The following ARSF variants were observed in gnomAD, a reference collection of about 807,000 sequenced individuals.
The protein encoded by ARSF is arylsulfatase F.
ARSF carries 33 observed loss-of-function variants against 35.4 expected under a neutral mutation model. The ratio of observed to expected loss-of-function variants is 0.93; its 90% CI spans 0.71 to 1.25. ARSF has a LOEUF of 1.25. ARSF is among the 50% of genes most tolerant of loss of function. The pLI is 0.00. For synonymous variants in ARSF, 222 were observed against 193.1 expected, an observed-to-expected ratio of 1.15 and a Z score of -1.24; for missense variants, 501 against 480.2, an observed-to-expected ratio of 1.04 and a Z score of -0.40.
intron 4 of ARSF, among the ~76,000 whole-genome samples, chrX:3,077,960 G>A (rs748823595): frequency 9.5e-6 from 1 of 105,657 alleles, no homozygotes; most frequent in South Asian, 4.6e-4. Flanking sequence ...CGTGCCACCA[G>A]GCCTGTCTAA....
chrX:3,066,802 A>G (rs1055539629), intron 1 of ARSF: 2 of 110,646 alleles, frequency 1.8e-5, no homozygotes, highest in Non-Finnish European at 3.8e-5. Flanking sequence ...AGCTGCCAAA[A>G]GAGGCAGAGC....
chrX:3,105,826 A>G (rs902737207), intron 9 of ARSF, among the ~76,000 whole-genome samples: 2 of 112,310 alleles, frequency 1.8e-5, no homozygotes, highest in African/African-American at 3.2e-5. Context: ...TCAAAAAACT[A>G]TGGAGAAGCC....
chrX:3,072,956 T>C (rs1330532953), intron 3 of ARSF, among the ~76,000 whole-genome samples: 1 of 101,974 alleles, frequency 9.8e-6, no homozygotes, highest in African/African-American at 3.5e-5. Context: ...TATATGAATA[T>C]GTTATTCATA....
At chrX:3,050,592 A>T (rs2089993148) in intron 1 of ARSF, among the ~76,000 whole-genome samples, 1 of 109,853 alleles carries the variant, frequency 9.1e-6, no homozygotes, top group Admixed American at 9.8e-5. Context: ...AAAGAAGGAA[A>T]GTACACTTGG....
At chrX:3,050,097 A>C (rs2147474976) in intron 1 of ARSF, among the ~76,000 whole-genome samples, 1 of 111,338 alleles carries the variant, frequency 9.0e-6, no homozygotes, top group South Asian at 3.8e-4. Flanking sequence ...ATAATTGTTA[A>C]GAAATAAAAG....
intron 7 of ARSF, 38 bp downstream of exon 7, chrX:3,089,670 T>C: frequency 8.3e-7 from 1 of 1,202,784 alleles, no homozygotes; most frequent in Non-Finnish European, 1.1e-6. Context: ...AACTAACGTG[T>C]TCTGATAGGA....
In ARSF at chrX:3,076,664, G is replaced by C. The variant is rs762741573; in HGVS notation, c.278G>C (p.Arg93Pro). Residue 93 changes from arginine (R) to proline (P), a missense_variant, in exon 4 of 11, where the codon CGA (arginine) becomes CCA (proline). By Grantham distance (103) the Arg-to-Pro change is moderately radical (BLOSUM62 -2). Transcript: ENST00000381127. Reference protein sequence around the residue: ...SAFLTGRYPIRSGMVSSGNRR... With the variant: ...SAFLTGRYPIPSGMVSSGNRR... ...TTCTTGACGGGAAGATACCCCATCCGATCAGGTGCGCAAACTGGCGGGCTC... is the reference window on the plus strand; with the variant it reads ...TTCTTGACGGGAAGATACCCCATCCCATCAGGTGCGCAAACTGGCGGGCTC... The C allele has an allele frequency of 5.0e-6, 6 of 1,210,513 alleles. No homozygotes were observed. The highest frequency in any genetic ancestry group is 5.6e-6 in the Non-Finnish European group (5 of 894,997).
rs1569137790 is a variant in ARSF at position 3,076,556 on chromosome X, A to ACATCGAC, written c.172_178dup (p.Arg60HisfsTer42). The ACATCGAC allele has an allele frequency of 1.7e-6, 2 of 1,203,243 alleles. No individual in the cohort carries two copies. The highest frequency in any genetic ancestry group is 3.6e-5 in the South Asian group (2 of 55,780). The stretch of plus-strand genomic sequence containing the variant: ...TCCCTCTCCCCCTTCAGGACGCCTC[A>ACATCGAC]CATCGACCGCCTTGCCAGGGAAGGC... On this transcript the variant is annotated frameshift_variant, in exon 4 of 11. Coordinates refer to ENST00000381127, the MANE Select transcript of ARSF (RefSeq NM_001201539.2). LOFTEE classifies it high-confidence loss of function.
At chrX:3,070,998 A>G (rs199820186) in intron 2 of ARSF, among the ~76,000 whole-genome samples, 1 of 20,005 alleles carries the variant, frequency 5.0e-5, no homozygotes, top group African/African-American at 1.7e-4. Flanking sequence ...TGATATGGAT[A>G]GATAGATACC....
chrX:3,107,133 A>C (rs1377999), intron 9 of ARSF, among the ~76,000 whole-genome samples: 1 of 111,300 alleles, frequency 9.0e-6, no homozygotes, highest in Non-Finnish European at 1.9e-5. Context: ...ATTCAGTACA[A>C]ACAAGACCGT....
chrX:3,054,838 A>G (rs2090011253), intron 1 of ARSF, among the ~76,000 whole-genome samples: 1 of 107,006 alleles, frequency 9.3e-6, no homozygotes, highest in Admixed American at 1.0e-4. Context: ...GGTTCAAGCG[A>G]TTCTCCTGCC....
intron 1 of ARSF, among the ~76,000 whole-genome samples, chrX:3,062,761 T>C (rs1239750149): frequency 1.8e-5 from 2 of 111,327 alleles, no homozygotes; most frequent in Non-Finnish European, 3.8e-5. Context: ...CAGGAAGAAA[T>C]TGAACCTCTG....
intron 7 of ARSF, among the ~76,000 whole-genome samples, chrX:3,093,871 G>C (rs902028272): frequency 8.9e-6 from 1 of 111,841 alleles, no homozygotes; most frequent in African/African-American, 3.2e-5. Context: ...TATAAGTGTT[G>C]CATCTTCTCT....
intron 1 of ARSF, among the ~76,000 whole-genome samples, chrX:3,056,850 T>C (rs749109639): frequency 1.3e-4 from 15 of 111,480 alleles, no homozygotes; most frequent in African/African-American, 4.6e-4. Flanking sequence ...TTTCACTTTC[T>C]AACCTGTGTC....
At chrX:3,061,367 A>G (rs1283914922) in intron 1 of ARSF, among the ~76,000 whole-genome samples, 2 of 111,658 alleles carry the variant, frequency 1.8e-5, no homozygotes, top group Admixed American at 1.9e-4. Flanking sequence ...TGTAAAGACC[A>G]TCGATGCTAG....
intron 1 of ARSF, 32 bp from the exon 2 acceptor site, chrX:3,068,037 TGGTC>T: frequency 4.0e-6 from 4 of 1,002,368 alleles, no homozygotes; most frequent in Admixed American, 3.3e-5. Flanking sequence ...TTTTTTTTTT[TGGTC>T]TTTTAAATCA....
At chrX:3,095,285 G>A (rs1346896395) in intron 7 of ARSF, among the ~76,000 whole-genome samples, 1 of 108,978 alleles carries the variant, frequency 9.2e-6, no homozygotes, top group Non-Finnish European at 1.9e-5. Context: ...GAACAGAATT[G>A]CCTATGTTAA....
chrX:3,106,692 C>T (rs1315299586), intron 9 of ARSF, among the ~76,000 whole-genome samples: 3 of 112,233 alleles, frequency 2.7e-5, no homozygotes, highest in African/African-American at 9.7e-5. Flanking sequence ...CAAATTACAA[C>T]CAAAAATAGA....
chrX:3,088,623 G>T (rs1428466850), intron 6 of ARSF, among the ~76,000 whole-genome samples: 1 of 109,178 alleles, frequency 9.2e-6, no homozygotes, highest in East Asian at 2.9e-4. Flanking sequence ...GCGCAGTGGT[G>T]CAATCTCAGC....
Sources: allele counts gnomAD v4.1 joint callset (sites outside exome capture counted in the v4.1 genomes callset), GRCh38; gene constraint gnomAD v4.1.1; transcripts MANE v1.5; gene names NCBI Gene and HGNC (gene_info 2026-07-23, HGNC 2026-07-21).